The following FMNL3 variants were observed in gnomAD, a reference collection of about 807,000 sequenced individuals.
The protein encoded by FMNL3 is formin-like protein 3.
In FMNL3, 57 loss-of-function variants were observed where a neutral mutation model predicts 119.6. The ratio of observed to expected loss-of-function variants is 0.48; its 90% CI spans 0.39 to 0.59. The LOEUF is 0.59. Ranked by LOEUF, FMNL3 falls within the 20% of genes least tolerant of loss-of-function variation. FMNL3 has a pLI of 0.00. For missense variants in FMNL3, 1,053 were observed against 1,323.5 expected, an observed-to-expected ratio of 0.80 and a Z score of 3.17; for synonymous variants, 491 against 507.3, an observed-to-expected ratio of 0.97 and a Z score of 0.43.
intron 1 of FMNL3, among the ~76,000 whole-genome samples, chr12:49,698,990 T>A (rs1211162401): frequency 6.6e-6 from 1 of 152,092 alleles, no homozygotes; most frequent in East Asian, 1.9e-4. Flanking sequence ...GACAGGACCG[T>A]CCCCTCCTCT....
Position 49,637,722 on chromosome 12 carries a change from C to T in FMNL3, c.*8093G>A. The stretch of plus-strand genomic sequence containing the variant: ...GCCGCCCGCCAGGCCCCCCTCCCTC[C>T]CTCCTTACAGGCTCCACCCCTCTGG... On this transcript the variant is annotated 3_prime_UTR_variant, in exon 26 of 26. Transcript: ENST00000335154. The T allele has an allele frequency of 1.3e-6, 2 of 1,581,188 alleles. No individual in the cohort carries two copies. Among genetic ancestry groups the T allele is most frequent in the Non-Finnish European group, 1.7e-6 (2 of 1,153,338 alleles).
At chr12:49,694,510 T>A (rs1397951136) in intron 1 of FMNL3, among the ~76,000 whole-genome samples, 1 of 152,184 alleles carries the variant, frequency 6.6e-6, no homozygotes, top group African/African-American at 2.4e-5. Flanking sequence ...TTTAAATGGA[T>A]AAACCCTGTA....
intron 1 of FMNL3, among the ~76,000 whole-genome samples, chr12:49,694,546 G>A (rs1235762400): frequency 1.3e-5 from 2 of 152,146 alleles, no homozygotes; most frequent in African/African-American, 2.4e-5. Flanking sequence ...TGTCTGTACC[G>A]AATTACTCTG....
At chr12:49,686,024 G>A (rs902467756) in intron 1 of FMNL3, among the ~76,000 whole-genome samples, 1 of 152,118 alleles carries the variant, frequency 6.6e-6, no homozygotes, top group Non-Finnish European at 1.5e-5. Context: ...CTGAGATTGT[G>A]CCACTGTACT....
rs1025601998 is a variant in FMNL3, at chr12:49,655,726, C to T, written c.885+678G>A. On this transcript the variant is annotated intron_variant, in intron 9 of 25. Transcript: ENST00000335154. Reference sequence around the variant, plus strand: ...CCTCTCTGAGAGGGGTCTAGAGGCTCCTCTGAGCCTCTGGGCTTCAAGGAG... The same window carrying T: ...CCTCTCTGAGAGGGGTCTAGAGGCTTCTCTGAGCCTCTGGGCTTCAAGGAG... Among the ~76,000 whole-genome samples the T allele has an allele frequency of 4.6e-5, 7 of 152,098 alleles. No homozygotes were observed. In the South Asian group the frequency reaches 1.5e-3, roughly 32 times the overall value.
At chr12:49,706,373 G>C (rs563596755) in intron 1 of FMNL3, among the ~76,000 whole-genome samples, 1 of 152,202 alleles carries the variant, frequency 6.6e-6, no homozygotes. Context: ...AGGCGGGATG[G>C]TTTGTGTATT....
chr12:49,686,833 C>G (rs1234572515), intron 1 of FMNL3, among the ~76,000 whole-genome samples: 1 of 152,150 alleles, frequency 6.6e-6, no homozygotes, highest in Non-Finnish European at 1.5e-5. Flanking sequence ...GCCCTGCAGA[C>G]AGTTCTGACA....
In FMNL3 at chr12:49,642,878, C is replaced by A; in HGVS notation, c.*2937G>T. On this transcript the variant is annotated 3_prime_UTR_variant, in exon 26 of 26. Coordinates refer to ENST00000335154, the MANE Select transcript of FMNL3 (RefSeq NM_175736.5). The surrounding 1 kb of genome is among the most constrained non-coding windows in gnomAD (Gnocchi z 5.8). ...CCAGATTTTAGGAAGTAGGATCCTT[C>A]CTGGGGCTAAGTCTGGTGCTGTCCT... is the stretch of plus-strand genomic sequence containing the variant. 1 of 1,564,468 alleles carries A rather than the reference C, an allele frequency of 6.4e-7. No individual in the cohort carries two copies. Among genetic ancestry groups the A allele is most frequent in the Non-Finnish European group, 8.7e-7 (1 of 1,148,810 alleles).
chr12:49,700,159 G>A (rs182463408), intron 1 of FMNL3, among the ~76,000 whole-genome samples: 39 of 152,274 alleles, frequency 2.6e-4, no homozygotes, highest in Non-Finnish European at 8.8e-5. Context: ...TTGGGAGGCC[G>A]AGGCAGGTGG....
In FMNL3 at chr12:49,642,632, C is replaced by G; in HGVS notation, c.*3183G>C. ...GCCTTTGAGCAGATCACCCTGGAGTCGGAGCGGATCCGGCTCTTCCGGGAG... is the reference window on the plus strand; with the variant it reads ...GCCTTTGAGCAGATCACCCTGGAGTGGGAGCGGATCCGGCTCTTCCGGGAG... On this transcript the variant is annotated 3_prime_UTR_variant, in exon 26 of 26. Transcript: ENST00000335154. This position sits in a 1 kb window ranked among gnomAD's most constrained non-coding sequence, Gnocchi z 5.8. The G allele has an allele frequency of 6.2e-7, 1 of 1,614,162 alleles. No homozygotes were observed. The highest frequency in any genetic ancestry group is 1.7e-5 in the Admixed American group (1 of 60,032).
intron 1 of FMNL3, chr12:49,688,473 A>G: frequency 2.2e-6 from 1 of 456,090 alleles, no homozygotes; most frequent in Non-Finnish European, 4.4e-6. Context: ...GACTCTCCTC[A>G]GCATCCTTGT....
At position 49,643,249 on chromosome 12, in the gene FMNL3, G is replaced by T. The variant is rs114746574; in HGVS notation, c.*2566C>A. The stretch of plus-strand genomic sequence containing the variant: ...GCTCTGAGTCAGAAGAAGAGGAGCT[G>T]CCCCCACCATCTCTCCGGCCCCCCA... On this transcript the variant is annotated 3_prime_UTR_variant, in exon 26 of 26. Coordinates refer to ENST00000335154, the MANE Select transcript of FMNL3 (RefSeq NM_175736.5). 2.7e-5 allele frequency: 44 copies of T among 1,614,062 alleles called. No homozygotes were observed. The East Asian group carries it at 9.6e-4, about 35-fold the overall frequency.
Position 49,654,268 on chromosome 12 carries a change from T to G in FMNL3, c.995A>C (p.His332Pro). ...ACMQFINIVV[H>P]SVEDMNFRVH... ...CCGGAAGTTCATGTCCTCCACCGAG[T>G]GCACCACGATGTTGATGAACTGCAT... Residue 332 changes from histidine to proline, a missense_variant, in exon 11 of 26, where the codon CAC becomes CCC. Transcript: ENST00000335154. 1 of 1,610,476 alleles carries G rather than the reference T, an allele frequency of 6.2e-7. No individual in the cohort carries two copies. Among genetic ancestry groups the G allele is most frequent in the Non-Finnish European group, 8.5e-7 (1 of 1,178,416 alleles).
intron 1 of FMNL3, among the ~76,000 whole-genome samples, chr12:49,680,446 TC>T (rs1944307221): frequency 6.6e-6 from 1 of 152,204 alleles, no homozygotes; most frequent in African/African-American, 2.4e-5. Flanking sequence ...AGTGCTTCTA[TC>T]CTCTTTTGGG....
In FMNL3 at chr12:49,645,700, C is replaced by A; in HGVS notation, c.*115G>T. On this transcript the variant is annotated 3_prime_UTR_variant, in exon 26 of 26. Coordinates refer to ENST00000335154, the MANE Select transcript of FMNL3 (RefSeq NM_175736.5). The stretch of plus-strand genomic sequence containing the variant: ...AAAGATCCAGCCTCAAGAGCTGGGG[C>A]GGACATGGTTGAGAGAGCAACACAG... 1 of 830,316 alleles carries A rather than the reference C, an allele frequency of 1.2e-6. No homozygotes were observed. Among genetic ancestry groups the A allele is most frequent in the South Asian group, 1.8e-5 (1 of 56,402 alleles). The allele number at this position is 830,316 out of a possible 1,614,324, so 51.4% of individuals were successfully genotyped here. A position where few individuals can be genotyped will look rare whatever the true frequency, so the allele number is the denominator to read the frequency against.
intron 1 of FMNL3, among the ~76,000 whole-genome samples, chr12:49,701,972 T>C (rs1944921380): frequency 1.3e-5 from 2 of 151,382 alleles, no homozygotes; most frequent in Non-Finnish European, 2.9e-5. Context: ...ACTAATGAAA[T>C]AACAAAAGCA....
chr12:49,703,899 C>G (rs1309641639), intron 1 of FMNL3, among the ~76,000 whole-genome samples: 1 of 152,168 alleles, frequency 6.6e-6, no homozygotes, highest in African/African-American at 2.4e-5. Flanking sequence ...AGGAAGCCCT[C>G]CAGCTTACAG....
intron 1 of FMNL3, among the ~76,000 whole-genome samples, chr12:49,700,281 A>G (rs1944867334): frequency 6.6e-6 from 1 of 150,866 alleles, no homozygotes; most frequent in Non-Finnish European, 1.5e-5. Context: ...AGTCCCAGCT[A>G]CTCGGGAAGC....
chr12:49,685,930 G>C (rs915753361), intron 1 of FMNL3, among the ~76,000 whole-genome samples: 17 of 152,066 alleles, frequency 1.1e-4, no homozygotes, highest in Non-Finnish European at 1.8e-4. Context: ...AGCCAGGCTT[G>C]GTGGCGGGCG....
Sources: gnomAD v4.1 joint callset for allele counts (sites outside exome capture counted in the v4.1 genomes callset) on GRCh38, gnomAD v4.1.1 for gene constraint, Gnocchi (gnomAD v3.1) non-coding constraint, MANE v1.5 for transcripts, NCBI Gene and HGNC (gene_info 2026-07-23, HGNC 2026-07-21) for gene names.